The following SUCLG1 variants were observed in gnomAD, a reference collection of about 807,000 sequenced individuals.
SUCLG1 encodes the protein succinate-CoA ligase GDP/ADP-forming subunit alpha.
Under a neutral mutation model 37.3 loss-of-function variants are expected in SUCLG1, and 26 were observed. The observed-to-expected ratio is 0.70, with a 90% CI of 0.51 to 0.97. The LOEUF (loss-of-function observed/expected upper bound fraction) is 0.97. SUCLG1 is among the 50% of genes least tolerant of loss of function. The pLI is 0.00. For synonymous variants in SUCLG1, 163 were observed against 155.6 expected (o/e 1.05, Z -0.36); for missense variants, 433 against 432.9 (o/e 1.00, Z 0.00).
Position 84,449,762 on chromosome 2 carries a change from TAA to T in SUCLG1, c.98-12_98-11del, listed in dbSNP as rs56733272. 25,106 of 772,316 alleles carry T rather than the reference TAA, an allele frequency of 0.033. 322 individuals carry two copies. Among genetic ancestry groups the T allele is most frequent in the African/African-American group, 0.15 (5,860 of 39,890 alleles). 47.8% of individuals were successfully genotyped at this position (772,316 alleles called of 1,614,324 possible). A position where few individuals can be genotyped will look rare whatever the true frequency, so the allele number is the denominator to read the frequency against. On this transcript the variant is annotated splice_polypyrimidine_tract_variant and intron_variant, in intron 1 of 8. Coordinates refer to ENST00000393868, the MANE Select transcript of SUCLG1 (RefSeq NM_003849.4). ...ATTCCATTCTGCGGCACTAAGAGGT[TAA>T]AAAAAAAAAAAAAAAAAAAAAAAGA... is the stretch of plus-strand genomic sequence containing the variant.
rs368943592 is a variant in SUCLG1, at chr2:84,425,409, G to T, written c.1014+6C>A. ...TCAGAGCACCTGGGCCACTGTTGGAGCTCACCTTGTAGATCGTGGTTCCCA... is the reference window on the plus strand; with the variant it reads ...TCAGAGCACCTGGGCCACTGTTGGATCTCACCTTGTAGATCGTGGTTCCCA... On this transcript the variant is annotated splice_donor_region_variant and intron_variant, in intron 8 of 8. Transcript: ENST00000393868. The T allele has an allele frequency of 8.1e-6, 13 of 1,613,990 alleles. No individual in the cohort carries two copies. The African/African-American group carries it at 1.6e-4, about 20-fold the overall frequency.
Position 84,431,616 on chromosome 2 carries a change from G to A in SUCLG1, c.717C>T (p.Cys239=), listed in dbSNP as rs1672615842. 1 of 1,613,784 alleles carries A rather than the reference G, an allele frequency of 6.2e-7. No homozygotes were observed. The part of the protein sequence containing the change: ...DPFNGTDFID[C]LEIFLNDSAT... ...CAGAATCGTTCAAAAAGATTTCGAG[G>A]CAGTCAATAAAATCTGTTCCATTAA... is the stretch of plus-strand genomic sequence containing the variant. Residue 239 remains cysteine, a synonymous_variant, in exon 7 of 9, where the codon TGC becomes TGT. Coordinates refer to ENST00000393868, the MANE Select transcript of SUCLG1 (RefSeq NM_003849.4).
At chr2:84,451,654 T>C (rs764987565) in intron 1 of SUCLG1, among the ~76,000 whole-genome samples, 1 of 152,188 alleles carries the variant, frequency 6.6e-6, no homozygotes, top group African/African-American at 2.4e-5. Context: ...ATAAAAAGTG[T>C]ATCAGAAGTG....
At chr2:84,424,157 G>A (rs1672496822) in intron 8 of SUCLG1, among the ~76,000 whole-genome samples, 1 of 152,156 alleles carries the variant, frequency 6.6e-6, no homozygotes, top group Non-Finnish European at 1.5e-5. Context: ...AATGGAAACA[G>A]GTTTGCTCAG....
rs767322143 is a variant in SUCLG1 at position 84,423,652 on chromosome 2, T to C, written c.*94A>G. The C allele has an allele frequency of 6.6e-5, 84 of 1,265,540 alleles. No individual in the cohort carries two copies. The highest frequency in any genetic ancestry group is 9.0e-5 in the Non-Finnish European group (79 of 881,960). The allele number at this position is 1,265,540 out of a possible 1,614,324, so 78.4% of individuals were successfully genotyped here. A position where few individuals can be genotyped will look rare whatever the true frequency, so the allele number is the denominator to read the frequency against. On this transcript the variant is annotated 3_prime_UTR_variant, in exon 9 of 9. Transcript: ENST00000393868. ...TACTGCAAGACCAGTGTCAGGCACA[T>C]AGGCTGATTAATCAGTGGACAACAG... is the stretch of plus-strand genomic sequence containing the variant.
chr2:84,424,298 T>A (rs953263950), intron 8 of SUCLG1, among the ~76,000 whole-genome samples: 1 of 152,200 alleles, frequency 6.6e-6, no homozygotes, highest in Non-Finnish European at 1.5e-5. Context: ...CCAAAAATCA[T>A]ATTTTTCTAG....
intron 7 of SUCLG1, among the ~76,000 whole-genome samples, chr2:84,430,886 C>T (rs145244578): frequency 3.1e-3 from 475 of 152,318 alleles, no homozygotes; most frequent in African/African-American, 0.011. Context: ...ACCCCCATCT[C>T]TCCTTTCACC....
intron 2 of SUCLG1, among the ~76,000 whole-genome samples, chr2:84,444,285 C>T (rs1390347338): frequency 6.6e-6 from 1 of 152,138 alleles, no homozygotes; most frequent in East Asian, 1.9e-4. Context: ...CCCTAAGTGT[C>T]AGCTGGTCTG....
chr2:84,446,399 A>C (rs933883648), intron 2 of SUCLG1, among the ~76,000 whole-genome samples: 25 of 152,214 alleles, frequency 1.6e-4, no homozygotes, highest in Non-Finnish European at 2.6e-4. Context: ...AAAATGAACG[A>C]ATCTATGTGA....
At chr2:84,441,585 C>T in intron 3 of SUCLG1, 126 bp from the exon 4 acceptor site, 1 of 1,087,692 alleles carries the variant, frequency 9.2e-7, no homozygotes, top group Admixed American at 2.0e-5. Context: ...ACATAGCATT[C>T]TTCCCATTCT....
chr2:84,438,005 A>G (rs755932028), intron 5 of SUCLG1, among the ~76,000 whole-genome samples: 2 of 152,240 alleles, frequency 1.3e-5, no homozygotes, highest in Non-Finnish European at 1.5e-5. Flanking sequence ...CATTCTTGAC[A>G]TGACAAAATT....
chr2:84,434,811 T>C (rs1308510110), intron 5 of SUCLG1, among the ~76,000 whole-genome samples: 1 of 152,244 alleles, frequency 6.6e-6, no homozygotes. Context: ...CATTATTGTA[T>C]ACTAATGCGT....
intron 6 of SUCLG1, chr2:84,432,277 C>T (rs1672624133): frequency 6.6e-6 from 1 of 152,340 alleles, no homozygotes; most frequent in Non-Finnish European, 1.5e-5. Flanking sequence ...ATGTTCCCTA[C>T]AGACAGGCTG....
chr2:84,441,064 T>G lies in SUCLG1; in HGVS notation c.572A>C (p.His191Pro). ...CKIGIMPGHI[H>P]KKGRIGIVSR... ...AAACTCACCAATCCTTCCTTTTTTG[T>G]GAATATGGCCAGGCATGATGCCAAT... is the stretch of plus-strand genomic sequence containing the variant. The change falls in exon 5 of 9, where the codon CAC (histidine) becomes CCC (proline). Residue 191 changes from histidine (H) to proline (P), a missense_variant. Coordinates refer to ENST00000393868, the MANE Select transcript of SUCLG1 (RefSeq NM_003849.4). 2 of 1,614,142 alleles carry G rather than the reference T, an allele frequency of 1.2e-6. No individual in the cohort carries two copies. Among genetic ancestry groups the G allele is most frequent in the Non-Finnish European group, 1.7e-6 (2 of 1,180,042 alleles).
chr2:84,444,827 G>A (rs1351789130), intron 2 of SUCLG1, among the ~76,000 whole-genome samples: 1 of 152,158 alleles, frequency 6.6e-6, no homozygotes, highest in East Asian at 1.9e-4. Context: ...CTGAGAAAAA[G>A]AATTCAGAGA....
In SUCLG1 at chr2:84,459,272, G is replaced by T. The variant is rs1182242220; in HGVS notation, c.-3C>A. On this transcript the variant is annotated 5_prime_UTR_variant, in exon 1 of 9. Coordinates refer to ENST00000393868, the MANE Select transcript of SUCLG1 (RefSeq NM_003849.4). ...GCAGCGGCAAGGGTTGCGGTCATAC[G>T]CCAATGACACTCCCAGGCCCCCGGG... 24 of 1,550,334 alleles carry T rather than the reference G, an allele frequency of 1.5e-5. No individual in the cohort carries two copies. The highest frequency in any genetic ancestry group is 2.0e-5 in the Non-Finnish European group (23 of 1,146,668).
chr2:84,431,470 A>G, intron 7 of SUCLG1, 38 bp downstream of exon 7: 1 of 1,612,378 alleles, frequency 6.2e-7, no homozygotes, highest in Non-Finnish European at 8.5e-7. Flanking sequence ...CTCTGATATT[A>G]AGAGCAAAGA....
intron 1 of SUCLG1, among the ~76,000 whole-genome samples, chr2:84,451,276 C>CTCATATCATATCATA (rs112772303): frequency 4.6e-5 from 7 of 152,132 alleles, no homozygotes; most frequent in African/African-American, 1.7e-4. Flanking sequence ...TCAACAAATG[C>CTCATATCATATCATA]TCATATCATA....
chr2:84,443,477 C>T, intron 2 of SUCLG1, 77 bp from the exon 3 acceptor site: 1 of 1,250,130 alleles, frequency 8.0e-7, no homozygotes. Flanking sequence ...ATCTTAGCAA[C>T]TTAGGAAAAG....
Sources: gnomAD v4.1 joint callset for allele counts (sites outside exome capture counted in the v4.1 genomes callset) on GRCh38, gnomAD v4.1.1 for gene constraint, MANE v1.5 for transcripts, NCBI Gene and HGNC (gene_info 2026-07-23, HGNC 2026-07-21) for gene names.